Variants in IL1RAPL1 observed in about 807,000 individuals in gnomAD.
IL1RAPL1 encodes the protein interleukin-1 receptor accessory protein-like 1.
A neutral mutation model predicts 48.4 loss-of-function variants in IL1RAPL1; 3 were observed. That is an observed-to-expected ratio of 0.06 (90% CI 0.03 to 0.16). The LOEUF is 0.16. Among genes scored for constraint, IL1RAPL1 ranks in the 10% least tolerant of loss-of-function variants. The pLI is 1.00. For synonymous variants in IL1RAPL1, 185 were observed against 187.7 expected (o/e 0.99, Z 0.12); for missense variants, 349 against 530.6 (o/e 0.66, Z 3.36).
intron 1 of IL1RAPL1, among the ~76,000 whole-genome samples, chrX:28,732,506 G>A (rs1174726695): frequency 3.6e-5 from 4 of 111,906 alleles, no homozygotes; most frequent in Non-Finnish European, 5.6e-5. Context: ...AATAATGAAC[G>A]TGAAAGGGAT....
At chrX:29,070,521 A>G (rs768927538) in intron 2 of IL1RAPL1, among the ~76,000 whole-genome samples, 9 of 111,241 alleles carry the variant, frequency 8.1e-5, no homozygotes, top group Non-Finnish European at 1.1e-4. Context: ...GGTTCTTCCA[A>G]TTTTATTTTG....
chrX:29,185,527 C>T (rs373820829), intron 2 of IL1RAPL1, among the ~76,000 whole-genome samples: 19 of 111,805 alleles, frequency 1.7e-4, no homozygotes, highest in African/African-American at 4.5e-4. Flanking sequence ...TCAAAGTAAA[C>T]GCTTGATCAA....
At chrX:29,513,211 G>A (rs1216396841) in intron 5 of IL1RAPL1, among the ~76,000 whole-genome samples, 1 of 111,313 alleles carries the variant, frequency 9.0e-6, no homozygotes, top group Non-Finnish European at 1.9e-5. Context: ...AAAATATGCT[G>A]TCATTCTATC....
At chrX:28,871,695 G>T (rs1435875053) in intron 2 of IL1RAPL1, among the ~76,000 whole-genome samples, 1 of 111,708 alleles carries the variant, frequency 9.0e-6, no homozygotes, top group African/African-American at 3.3e-5. Context: ...ATTAGGGTAG[G>T]GTCCAGGAAT....
intron 5 of IL1RAPL1, among the ~76,000 whole-genome samples, chrX:29,616,427 C>CATT (rs767521139): frequency 9.2e-6 from 1 of 108,349 alleles, no homozygotes; most frequent in African/African-American, 3.4e-5. Flanking sequence ...GTGCTGCACC[C>CATT]ATTAACTCGT....
At chrX:29,323,708 ATTTTTTATATATATATATATATATATAT>A (rs1932818995) in intron 3 of IL1RAPL1, among the ~76,000 whole-genome samples, 1 of 29,506 alleles carries the variant, frequency 3.4e-5, no homozygotes, top group Non-Finnish European at 4.9e-5. Flanking sequence ...CTCATACTGA[ATTTTTTATATATATATATATATATATAT>A]ATATATATAT....
intron 3 of IL1RAPL1, among the ~76,000 whole-genome samples, chrX:29,334,017 C>CAGA (rs1932932925): frequency 7.6e-5 from 5 of 65,665 alleles, no homozygotes; most frequent in East Asian, 5.7e-4. Flanking sequence ...GCTGGCCGGG[C>CAGA]GGGGGGCTGA....
intron 2 of IL1RAPL1, among the ~76,000 whole-genome samples, chrX:28,986,567 A>G (rs1195821634): frequency 8.9e-6 from 1 of 112,299 alleles, no homozygotes; most frequent in Non-Finnish European, 1.9e-5. Context: ...TGGTTGGATC[A>G]TCACAAAAGT....
chrX:29,675,720 A>G (rs146491124), intron 6 of IL1RAPL1, among the ~76,000 whole-genome samples: 2,489 of 111,071 alleles, frequency 0.022, 63 homozygotes, highest in African/African-American at 0.077. Context: ...CCTCCCGAGT[A>G]GCTGGGATTA....
intron 3 of IL1RAPL1, among the ~76,000 whole-genome samples, chrX:29,310,072 C>T (rs943523124): frequency 2.7e-5 from 2 of 74,108 alleles, no homozygotes; most frequent in African/African-American, 1.1e-4. Context: ...CCAGCTTGGG[C>T]GACAGAGCGA....
intron 2 of IL1RAPL1, among the ~76,000 whole-genome samples, chrX:29,071,012 A>G (rs1859450137): frequency 8.9e-6 from 1 of 111,840 alleles, no homozygotes. Context: ...TATACTTTAT[A>G]TTACTTAAAT....
chrX:29,786,215 A>T (rs922818812), intron 6 of IL1RAPL1, among the ~76,000 whole-genome samples: 1 of 111,455 alleles, frequency 9.0e-6, no homozygotes, highest in African/African-American at 3.3e-5. Flanking sequence ...ACCTGGCCTC[A>T]TCGAACGTAC....
At chrX:29,159,596 C>T (rs772033492) in intron 2 of IL1RAPL1, among the ~76,000 whole-genome samples, 9 of 112,097 alleles carry the variant, frequency 8.0e-5, no homozygotes, top group Non-Finnish European at 1.5e-4. Context: ...TAGAAAACTG[C>T]CATTTTGTAA....
At chrX:29,588,669 A>G (rs1435450118) in intron 5 of IL1RAPL1, among the ~76,000 whole-genome samples, 1 of 111,864 alleles carries the variant, frequency 8.9e-6, no homozygotes, top group East Asian at 2.8e-4. Context: ...AGAGGATAAC[A>G]AGAAGATTAT....
chrX:29,343,769 G>C lies in IL1RAPL1; in HGVS notation c.363-52489G>C, dbSNP rs939468408. 2.7e-5 allele frequency among the ~76,000 whole-genome samples: 3 copies of C among 110,641 alleles called. No individual in the cohort carries two copies. In the South Asian group the frequency reaches 1.2e-3, roughly 43 times the overall value. Reference sequence around the variant, plus strand: ...TTAGAAATCTCATATATGTGTCTTTGTGTGCAATATTTATTTAAATAAAGG... The same window carrying C: ...TTAGAAATCTCATATATGTGTCTTTCTGTGCAATATTTATTTAAATAAAGG... On this transcript the variant is annotated intron_variant, in intron 3 of 10. Transcript: ENST00000378993.
At chrX:28,880,830 A>G (rs1377315195) in intron 2 of IL1RAPL1, among the ~76,000 whole-genome samples, 4 of 111,617 alleles carry the variant, frequency 3.6e-5, no homozygotes, top group African/African-American at 9.8e-5. Flanking sequence ...TTCTCTCCCA[A>G]TCATGGGTAA....
chrX:29,244,633 T>C (rs1448562647), intron 2 of IL1RAPL1, among the ~76,000 whole-genome samples: 1 of 112,522 alleles, frequency 8.9e-6, no homozygotes, highest in Non-Finnish European at 1.9e-5. Flanking sequence ...ATGATTATTT[T>C]TGCATTTGAT....
chrX:29,057,925 C>T (rs1444626901), intron 2 of IL1RAPL1, among the ~76,000 whole-genome samples: 1 of 111,304 alleles, frequency 9.0e-6, no homozygotes, highest in Non-Finnish European at 1.9e-5. Flanking sequence ...TTCTCAAAAC[C>T]CTGTTCCCTA....
intron 2 of IL1RAPL1, among the ~76,000 whole-genome samples, chrX:29,235,140 C>G (rs753048143): frequency 1.8e-5 from 2 of 112,031 alleles, no homozygotes; most frequent in African/African-American, 6.5e-5. Context: ...ACATAGTTCT[C>G]GAGTTTGTAT....
Sources: allele counts gnomAD v4.1 joint callset (sites outside exome capture counted in the v4.1 genomes callset), GRCh38; gene constraint gnomAD v4.1.1; transcripts MANE v1.5; gene names NCBI Gene and HGNC (gene_info 2026-07-23, HGNC 2026-07-21).